FTCDNL1: variants seen among roughly 807,000 people sequenced by gnomAD.
The protein encoded by FTCDNL1 is formiminotransferase N-terminal subdomain-containing protein.
A neutral mutation model predicts 5.9 loss-of-function variants in FTCDNL1; 11 were observed. The ratio of observed to expected loss-of-function variants is 1.87; its 90% CI spans 1.18 to 3.10. The LOEUF is 3.10. Ranked by LOEUF, FTCDNL1 falls within the 30% of genes most tolerant of loss-of-function variation. The pLI, the probability that FTCDNL1 is intolerant of heterozygous loss-of-function variation, is 0.00. For synonymous variants in FTCDNL1, 58 were observed against 24.8 expected (o/e 2.34, Z -3.99); for missense variants, 115 against 65.5 (o/e 1.76, Z -2.61).
chr2:199,757,330 T>A (rs569604670), downstream of FTCDNL1, among the ~76,000 whole-genome samples: 1 of 151,948 alleles, frequency 6.6e-6, no homozygotes, highest in Non-Finnish European at 1.5e-5. Context: ...AGGAAAGGGG[T>A]GCCACTAGAG....
chr2:199,680,721 A>G, the FTCDNL1 span, among the ~76,000 whole-genome samples: 2 of 152,188 alleles, frequency 1.3e-5, no homozygotes, highest in African/African-American at 4.8e-5. Context: ...ATCCTCAGAG[A>G]GTAGATGGTA....
the FTCDNL1 span, among the ~76,000 whole-genome samples, chr2:199,672,084 G>T: frequency 2.6e-5 from 4 of 152,100 alleles, no homozygotes; most frequent in African/African-American, 9.7e-5. Context: ...TGCCCTGGAA[G>T]ACTACACTCT....
chr2:199,791,409 G>C (rs912317894), intron 3 of FTCDNL1, among the ~76,000 whole-genome samples: 3 of 152,070 alleles, frequency 2.0e-5, no homozygotes, highest in Non-Finnish European at 4.4e-5. Context: ...TGTGTATACA[G>C]TTTTTTAAAA....
the FTCDNL1 span, among the ~76,000 whole-genome samples, chr2:199,679,383 T>C: frequency 6.6e-6 from 1 of 152,172 alleles, no homozygotes. Flanking sequence ...GTTTTAATTC[T>C]GTCTGCCCTC....
chr2:199,840,436 T>C (rs1448789842), intron 3 of FTCDNL1, among the ~76,000 whole-genome samples: 2 of 151,890 alleles, frequency 1.3e-5, no homozygotes, highest in East Asian at 1.9e-4. Context: ...TGTTGAGAGG[T>C]TGGAAGATTG....
the FTCDNL1 span, among the ~76,000 whole-genome samples, chr2:199,743,692 C>G: frequency 6.6e-6 from 1 of 151,914 alleles, no homozygotes; most frequent in African/African-American, 2.4e-5. Context: ...AATTAAGCCT[C>G]TTAGTGTCTC....
downstream of FTCDNL1, among the ~76,000 whole-genome samples, chr2:199,758,451 CAAAAAAA>C (rs754047700): frequency 5.4e-5 from 5 of 93,270 alleles, no homozygotes; most frequent in East Asian, 3.1e-4. Flanking sequence ...CCATTCCCAC[CAAAAAAA>C]AAAAAAAAAG....
chr2:199,799,463 A>G (rs1392576170), intron 3 of FTCDNL1, among the ~76,000 whole-genome samples: 1 of 152,126 alleles, frequency 6.6e-6, no homozygotes, highest in Admixed American at 6.6e-5. Context: ...GAGAAATTCA[A>G]ATAGGCTCCC....
At chr2:199,680,512 G>A in the FTCDNL1 span, among the ~76,000 whole-genome samples, 1 of 152,180 alleles carries the variant, frequency 6.6e-6, no homozygotes, top group Non-Finnish European at 1.5e-5. Context: ...GAAAAAATTA[G>A]ATTTAGGAGC....
the FTCDNL1 span, among the ~76,000 whole-genome samples, chr2:199,681,248 G>A: frequency 6.6e-6 from 1 of 152,122 alleles, no homozygotes; most frequent in Non-Finnish European, 1.5e-5. Flanking sequence ...GAGGTCAGGA[G>A]TTCGAGACCA....
At chr2:199,733,447 G>A in the FTCDNL1 span, among the ~76,000 whole-genome samples, 1 of 152,166 alleles carries the variant, frequency 6.6e-6, no homozygotes, top group East Asian at 1.9e-4. Context: ...TTAAGTTATG[G>A]GTATTAGGTA....
intron 3 of FTCDNL1, among the ~76,000 whole-genome samples, chr2:199,770,297 G>A (rs980018955): frequency 5.9e-5 from 9 of 152,124 alleles, no homozygotes; most frequent in Non-Finnish European, 8.8e-5. Flanking sequence ...CAGGTAAGTC[G>A]ACTAAGAAGA....
intron 3 of FTCDNL1, among the ~76,000 whole-genome samples, chr2:199,761,382 C>A (rs2106244095): frequency 6.6e-6 from 1 of 152,294 alleles, no homozygotes; most frequent in Non-Finnish European, 1.5e-5. Context: ...ACCCTTGACC[C>A]AGGCTGGTTG....
intron 3 of FTCDNL1, among the ~76,000 whole-genome samples, chr2:199,838,303 G>C (rs1193694010): frequency 6.6e-6 from 1 of 152,216 alleles, no homozygotes; most frequent in Non-Finnish European, 1.5e-5. Flanking sequence ...ATGATTCCAA[G>C]TGAGGTGAAT....
chr2:199,750,322 C>T, the FTCDNL1 span, among the ~76,000 whole-genome samples: 111 of 151,038 alleles, frequency 7.3e-4, 1 homozygote, highest in African/African-American at 2.2e-3. Context: ...CTCACCACTA[C>T]GCTCCAGCCT....
chr2:199,750,728 C>CT, the FTCDNL1 span, among the ~76,000 whole-genome samples: 8 of 152,362 alleles, frequency 5.3e-5, no homozygotes, highest in Admixed American at 4.6e-4. Context: ...CGGGCGGACT[C>CT]TGTCCACACA....
At chr2:199,695,377 T>C in the FTCDNL1 span, among the ~76,000 whole-genome samples, 2 of 152,232 alleles carry the variant, frequency 1.3e-5, no homozygotes, top group African/African-American at 4.8e-5. Context: ...CATGTGGCTA[T>C]TGGGCACTTG....
chr2:199,666,998 A>G, the FTCDNL1 span, among the ~76,000 whole-genome samples: 5,231 of 151,860 alleles, frequency 0.034, 408 homozygotes, highest in East Asian at 0.26. Context: ...TGTCTATACT[A>G]TGATTCGTCA....
the FTCDNL1 span, among the ~76,000 whole-genome samples, chr2:199,745,368 T>C: frequency 6.6e-6 from 1 of 152,204 alleles, no homozygotes; most frequent in African/African-American, 2.4e-5. Flanking sequence ...CTAACGTGGC[T>C]CTCTATTTGT....
Sources: gnomAD v4.1 joint callset for allele counts (sites outside exome capture counted in the v4.1 genomes callset) on GRCh38, gnomAD v4.1.1 for gene constraint, MANE v1.5 for transcripts, NCBI Gene and HGNC (gene_info 2026-07-23, HGNC 2026-07-21) for gene names.